Variants in TULP4 observed in about 807,000 individuals in gnomAD.
TULP4 encodes tubby-related protein 4.
In TULP4, 16 loss-of-function variants were observed where a neutral mutation model predicts 129.0. The observed-to-expected ratio is 0.12, with a 90% CI of 0.08 to 0.19. TULP4 has a LOEUF of 0.19. Among genes scored for constraint, TULP4 ranks in the 10% least tolerant of loss-of-function variants. The probability of loss-of-function intolerance (pLI) is 1.00; values close to 1 mark genes in which losing one functional copy is unlikely to be tolerated. For synonymous variants in TULP4, 998 were observed against 854.0 expected (o/e 1.17, Z -2.94); for missense variants, 1,842 against 2,059.1 (o/e 0.89, Z 2.04).
At chr6:158,302,169 A>G (rs1339011063) in intron 1 of TULP4, among the ~76,000 whole-genome samples, 1 of 152,208 alleles carries the variant, frequency 6.6e-6, no homozygotes, top group Non-Finnish European at 1.5e-5. Context: ...AAGTAGTGAA[A>G]GCACCTGTCC....
At chr6:158,415,995 G>A (rs369314714) in intron 2 of TULP4, among the ~76,000 whole-genome samples, 2 of 152,198 alleles carry the variant, frequency 1.3e-5, no homozygotes, top group South Asian at 2.1e-4. Context: ...GTCTGTGGCC[G>A]AAGGTCCAAG....
Position 158,265,900 on chromosome 6 carries a change from A to G in TULP4, n.68+33597A>G, listed in dbSNP as rs377184765. Among the ~76,000 whole-genome samples the G allele has an allele frequency of 1.1e-4, 16 of 152,296 alleles. No individual in the cohort carries two copies. In the South Asian group the frequency reaches 3.3e-3, roughly 32 times the overall value. The stretch of plus-strand genomic sequence containing the variant: ...TCACTCCAAATTCAGGATGCCATGA[A>G]TGGAGAAAGGAGTAACACATGAGGG... On this transcript the variant is annotated intron_variant and non_coding_transcript_variant, in intron 1 of 1. Transcript: ENST00000620026.
intron 1 of TULP4, among the ~76,000 whole-genome samples, chr6:158,289,383 T>G (rs1197064386): frequency 6.6e-6 from 1 of 152,094 alleles, no homozygotes. Context: ...TGTCTAATTT[T>G]TTTTTCTTTT....
At chr6:158,350,509 G>A (rs998905705) in intron 1 of TULP4, among the ~76,000 whole-genome samples, 28 of 152,154 alleles carry the variant, frequency 1.8e-4, no homozygotes, top group African/African-American at 6.8e-4. Context: ...CAGATCACCC[G>A]AGGCCAGGAG....
intron 1 of TULP4, among the ~76,000 whole-genome samples, chr6:158,371,352 T>TCGGCCCC (rs1203138662): frequency 6.6e-6 from 1 of 152,178 alleles, no homozygotes. Flanking sequence ...TGAAGCTCAT[T>TCGGCCCC]CGGCCCCTGG....
In TULP4 at chr6:158,502,516, C is replaced by T. The variant is rs1038183518; in HGVS notation, c.2853C>T (p.Tyr951=). Residue 951 remains tyrosine, a synonymous_variant, in exon 13 of 14, where the codon TAC becomes TAT. Coordinates refer to ENST00000367097, the MANE Select transcript of TULP4 (RefSeq NM_020245.5). ...TGAACCGCCTGACCGTCCCTCGCTA[C>T]TCCATCCCCACCGGGGACCCACCCC... is the stretch of plus-strand genomic sequence containing the variant. ...ATLNRLTVPR[Y]SIPTGDPPPY... is the part of the protein sequence containing the mutation. The T allele has an allele frequency of 2.5e-6, 4 of 1,612,056 alleles. No homozygotes were observed. The highest frequency in any genetic ancestry group is 2.7e-5 in the African/African-American group (2 of 74,870).
chr6:158,258,325 C>T (rs1022005633), intron 1 of TULP4, among the ~76,000 whole-genome samples: 24 of 152,332 alleles, frequency 1.6e-4, no homozygotes, highest in Middle Eastern at 3.4e-3. Context: ...CTGAGTTATT[C>T]CTTTTCTGTC....
At chr6:158,497,563 C>T (rs1780359590) in intron 11 of TULP4, among the ~76,000 whole-genome samples, 1 of 152,140 alleles carries the variant, frequency 6.6e-6, no homozygotes, top group Admixed American at 6.5e-5. Flanking sequence ...CTAATCCCTC[C>T]TAGAATTTTT....
At chr6:158,368,066 C>CAAAAAAAAAAAAAAAAAAAAAAAAAAA (rs3085241) in intron 1 of TULP4, among the ~76,000 whole-genome samples, 6 of 65,018 alleles carry the variant, frequency 9.2e-5, no homozygotes, top group Non-Finnish European at 1.7e-4. Context: ...ACCCTGTCTC[C>CAAAAAAAAAAAAAAAAAAAAAAAAAAA]AAAAAAAAAA....
intron 1 of TULP4, among the ~76,000 whole-genome samples, chr6:158,239,038 C>T (rs1165094556): frequency 8.4e-5 from 12 of 142,236 alleles, no homozygotes; most frequent in African/African-American, 2.8e-4. Context: ...CCGGACGAGG[C>T]GGCTGGCCGG....
chr6:158,236,356 T>A (rs949891860), intron 1 of TULP4, among the ~76,000 whole-genome samples: 1 of 152,218 alleles, frequency 6.6e-6, no homozygotes, highest in Non-Finnish European at 1.5e-5. Flanking sequence ...AACATCTCAA[T>A]TTATATAGAC....
At chr6:158,344,170 G>A (rs1002910623) in intron 1 of TULP4, among the ~76,000 whole-genome samples, 22 of 152,026 alleles carry the variant, frequency 1.4e-4, no homozygotes, top group East Asian at 3.9e-4. Flanking sequence ...CCCCCTGCCC[G>A]CAAAACATTG....
intron 1 of TULP4, chr6:158,237,716 G>A (rs1777742629): frequency 3.1e-6 from 3 of 955,286 alleles, no homozygotes; most frequent in Non-Finnish European, 5.1e-6. Context: ...TGTTCCTTTG[G>A]TTGACTATCT....
chr6:158,493,678 C>G lies in TULP4; in HGVS notation c.1737C>G (p.Ser579Arg). ...GCAAGCCCTCTGTGGGCTCGCCCAG[C>G]CTGACTCGGAGAGAGTTTCCTTTTG... is the stretch of plus-strand genomic sequence containing the variant. Reference protein sequence around the residue: ...PLRKPSVGSPSLTRREFPFED... With the variant: ...PLRKPSVGSPRLTRREFPFED... Residue 579 changes from serine (S) to arginine (R), a missense_variant, in exon 10 of 14, where the codon AGC (serine) becomes AGG (arginine). Physicochemically the swap from Ser to Arg is moderately radical, Grantham distance 110 (BLOSUM62 -1). Transcript: ENST00000367097. The surrounding 1 kb of genome is among the most constrained non-coding windows in gnomAD (Gnocchi z 4.4). The G allele has an allele frequency of 1.3e-6, 2 of 1,596,000 alleles. No individual in the cohort carries two copies.
chr6:158,447,677 C>T (rs953883698), intron 3 of TULP4, among the ~76,000 whole-genome samples: 1 of 152,186 alleles, frequency 6.6e-6, no homozygotes, highest in Non-Finnish European at 1.5e-5. Flanking sequence ...CCCCAAGGAG[C>T]TTCACATTAA....
At chr6:158,409,082 A>G (rs1423669617) in intron 1 of TULP4, among the ~76,000 whole-genome samples, 5 of 152,198 alleles carry the variant, frequency 3.3e-5, no homozygotes, top group African/African-American at 4.8e-5. Context: ...CTCCTGACTC[A>G]GAAGATGAAC....
intron 5 of TULP4, among the ~76,000 whole-genome samples, chr6:158,461,017 G>C (rs1229257398): frequency 1.3e-5 from 2 of 151,926 alleles, no homozygotes; most frequent in Non-Finnish European, 2.9e-5. Flanking sequence ...ACCTAATTTG[G>C]TTGTGTTTCA....
chr6:158,494,534 C>T (rs1780283997), intron 10 of TULP4, among the ~76,000 whole-genome samples: 1 of 152,138 alleles, frequency 6.6e-6, no homozygotes, highest in South Asian at 2.1e-4. Flanking sequence ...GACACACCCC[C>T]ACCTTTCCCC....
Position 158,481,072 on chromosome 6 carries a change from G to A in TULP4, c.1269G>A (p.Pro423=), listed in dbSNP as rs755587179. 43 of 1,574,574 alleles carry A rather than the reference G, an allele frequency of 2.7e-5. No individual in the cohort carries two copies. The highest frequency in any genetic ancestry group is 7.0e-5 in the Admixed American group (4 of 56,954). The part of the protein sequence containing the change: ...IPTIKPPIPD[P]NNMRDFVSYP... ...TCCTCCAGCCCCCAATTCCAGATCC[G>A]AACAACATGAGAGACTTTGTCAGCT... Residue 423 remains proline (P), a synonymous_variant, in exon 8 of 14, where the codon CCG becomes CCA. Transcript: ENST00000367097.
Sources: allele counts gnomAD v4.1 joint callset (sites outside exome capture counted in the v4.1 genomes callset), GRCh38; gene constraint gnomAD v4.1.1; non-coding constraint Gnocchi (gnomAD v3.1); transcripts MANE v1.5; gene names NCBI Gene and HGNC (gene_info 2026-07-23, HGNC 2026-07-21).